The following PDE7B variants were observed in gnomAD, a reference collection of about 807,000 sequenced individuals.
PDE7B encodes 3',5'-cyclic-AMP phosphodiesterase 7B.
In PDE7B, 29 loss-of-function variants were observed where a neutral mutation model predicts 56.2. The ratio of observed to expected loss-of-function variants is 0.52; its 90% CI spans 0.38 to 0.70. PDE7B has a LOEUF of 0.70. PDE7B is among the 30% of genes least tolerant of loss of function. The probability of loss-of-function intolerance (pLI) is 0.00; values close to 1 mark genes in which losing one functional copy is unlikely to be tolerated. For synonymous variants in PDE7B, 197 were observed against 196.9 expected (o/e 1.00, Z 0.00); for missense variants, 490 against 565.0 (o/e 0.87, Z 1.35).
intron 2 of PDE7B, among the ~76,000 whole-genome samples, chr6:136,029,692 T>C (rs544147048): frequency 6.8e-4 from 103 of 152,184 alleles, no homozygotes; most frequent in African/African-American, 2.4e-3. Context: ...AGGAGAAAAA[T>C]GTAGTTAAAA....
At chr6:136,030,034 G>A (rs1776219773) in intron 2 of PDE7B, among the ~76,000 whole-genome samples, 1 of 152,128 alleles carries the variant, frequency 6.6e-6, no homozygotes, top group African/African-American at 2.4e-5. Context: ...CTGTATACTA[G>A]TTTTTAATGC....
intron 2 of PDE7B, among the ~76,000 whole-genome samples, chr6:136,011,196 T>A (rs1286719830): frequency 6.6e-6 from 1 of 152,154 alleles, no homozygotes; most frequent in Non-Finnish European, 1.5e-5. Flanking sequence ...CTCAAAAGAC[T>A]TTATTTTCCT....
At chr6:135,859,357 G>A (rs919008246) in intron 1 of PDE7B, among the ~76,000 whole-genome samples, 3 of 152,028 alleles carry the variant, frequency 2.0e-5, no homozygotes, top group Non-Finnish European at 2.9e-5. Context: ...AGCTTCATTC[G>A]GAAAAGTGTA....
At chr6:136,087,692 G>A (rs892203133) in intron 2 of PDE7B, among the ~76,000 whole-genome samples, 1 of 152,082 alleles carries the variant, frequency 6.6e-6, no homozygotes, top group African/African-American at 2.4e-5. Context: ...AAACAGCATC[G>A]GCTTCTCTAG....
At chr6:136,183,643 G>T (rs575934180) in intron 11 of PDE7B, among the ~76,000 whole-genome samples, 71 of 150,876 alleles carry the variant, frequency 4.7e-4, no homozygotes, top group African/African-American at 1.6e-3. Flanking sequence ...TAGATTCCCT[G>T]GTCATCCAAA....
intron 3 of PDE7B, among the ~76,000 whole-genome samples, chr6:136,112,317 A>C (rs1346162068): frequency 6.6e-6 from 1 of 152,200 alleles, no homozygotes; most frequent in Admixed American, 6.5e-5. Flanking sequence ...GACTGTCCAC[A>C]CACCAAATCT....
At chr6:135,886,163 C>T (rs769164355) in intron 1 of PDE7B, among the ~76,000 whole-genome samples, 6 of 152,124 alleles carry the variant, frequency 3.9e-5, no homozygotes, top group East Asian at 1.9e-4. Context: ...ACTAAGATAC[C>T]GTTGAGTGCT....
At chr6:136,000,592 G>T (rs111751906) in intron 2 of PDE7B, among the ~76,000 whole-genome samples, 1 of 152,130 alleles carries the variant, frequency 6.6e-6, no homozygotes, top group Admixed American at 6.6e-5. Flanking sequence ...TTTCTATTTT[G>T]TTCCATGTAT....
chr6:135,953,892 G>A (rs1238686324), intron 2 of PDE7B, among the ~76,000 whole-genome samples: 2 of 152,160 alleles, frequency 1.3e-5, no homozygotes, highest in African/African-American at 4.8e-5. Flanking sequence ...GAATGCCTCA[G>A]GAATTTGAAT....
intron 2 of PDE7B, among the ~76,000 whole-genome samples, chr6:136,001,629 G>A (rs1467586593): frequency 1.3e-5 from 2 of 152,162 alleles, no homozygotes; most frequent in African/African-American, 4.8e-5. Context: ...ATGAAATGAA[G>A]CGAGAAGAGA....
At chr6:136,015,855 G>C (rs1775969062) in intron 2 of PDE7B, among the ~76,000 whole-genome samples, 1 of 152,098 alleles carries the variant, frequency 6.6e-6, no homozygotes, top group Non-Finnish European at 1.5e-5. Flanking sequence ...ACAAGCCTCA[G>C]TATGTATTAT....
chr6:136,053,538 G>GA (rs1776672405), intron 2 of PDE7B, among the ~76,000 whole-genome samples: 1 of 152,034 alleles, frequency 6.6e-6, no homozygotes, highest in South Asian at 2.1e-4. Context: ...TGTGTCTTTA[G>GA]AGCAGCATGA....
intron 3 of PDE7B, chr6:136,117,002 C>CCCT (rs1415396752): frequency 2.6e-4 from 40 of 152,290 alleles, no homozygotes; most frequent in South Asian, 8.3e-4. Flanking sequence ...CCACCTCACT[C>CCCT]CCTCATGATG....
chr6:135,886,097 C>T (rs1243836119), intron 1 of PDE7B, among the ~76,000 whole-genome samples: 1 of 152,134 alleles, frequency 6.6e-6, no homozygotes, highest in Admixed American at 6.5e-5. Context: ...GGCCTTGCTT[C>T]AATCAGGACA....
intron 2 of PDE7B, among the ~76,000 whole-genome samples, chr6:136,028,142 G>A (rs1033319422): frequency 3.9e-5 from 6 of 152,128 alleles, no homozygotes; most frequent in Non-Finnish European, 7.4e-5. Flanking sequence ...ATGAATTAAT[G>A]AATGAATTAA....
At chr6:135,993,258 T>A (rs937164893) in intron 2 of PDE7B, 24 of 152,218 alleles carry the variant, frequency 1.6e-4, no homozygotes, top group African/African-American at 5.8e-4. Flanking sequence ...TTAGCCAACA[T>A]CTTAGCATTC....
chr6:136,022,580 G>A (rs772014474), intron 2 of PDE7B, among the ~76,000 whole-genome samples: 5 of 152,290 alleles, frequency 3.3e-5, no homozygotes, highest in Middle Eastern at 3.4e-3. Flanking sequence ...TTTGCACCCA[G>A]CAGTTCCATC....
intron 2 of PDE7B, among the ~76,000 whole-genome samples, chr6:135,979,653 GACAA>G (rs1775258605): frequency 6.6e-6 from 1 of 152,144 alleles, no homozygotes; most frequent in South Asian, 2.1e-4. Context: ...ACCAACAACA[GACAA>G]ACAGAGAGCC....
intron 1 of PDE7B, among the ~76,000 whole-genome samples, chr6:135,926,245 C>T (rs1774186501): frequency 6.6e-6 from 1 of 151,786 alleles, no homozygotes; most frequent in Non-Finnish European, 1.5e-5. Flanking sequence ...CGCCACCACG[C>T]CCAGCTAATT....
Sources: allele counts gnomAD v4.1 joint callset (sites outside exome capture counted in the v4.1 genomes callset), GRCh38; gene constraint gnomAD v4.1.1; transcripts MANE v1.5; gene names NCBI Gene and HGNC (gene_info 2026-07-23, HGNC 2026-07-21).